Variants in IL17RD observed in about 807,000 individuals in gnomAD.
IL17RD encodes the protein interleukin-17 receptor D.
A neutral mutation model predicts 80.5 loss-of-function variants in IL17RD; 52 were observed. The observed-to-expected ratio is 0.65, with a 90% CI of 0.52 to 0.81. The LOEUF (loss-of-function observed/expected upper bound fraction) is 0.81. Among genes scored for constraint, IL17RD ranks in the 40% least tolerant of loss-of-function variants. IL17RD has a pLI of 0.00. For synonymous variants in IL17RD, 416 were observed against 391.8 expected, an observed-to-expected ratio of 1.06 and a Z score of -0.73; for missense variants, 1,024 against 955.1, an observed-to-expected ratio of 1.07 and a Z score of -0.95.
intron 1 of IL17RD, among the ~76,000 whole-genome samples, chr3:57,130,234 T>A (rs919260817): frequency 6.6e-6 from 1 of 152,202 alleles, no homozygotes. Flanking sequence ...CAAGGGCCTC[T>A]GAGGGGTTCA....
chr3:57,114,920 C>A, intron 2 of IL17RD, 103 bp from the exon 3 acceptor site: 1 of 927,268 alleles, frequency 1.1e-6, no homozygotes. Context: ...GTGGCCAAAT[C>A]CATTCTGTTA....
intron 10 of IL17RD, among the ~76,000 whole-genome samples, chr3:57,102,125 A>G (rs1706845017): frequency 6.6e-6 from 1 of 152,152 alleles, no homozygotes; most frequent in Non-Finnish European, 1.5e-5. Flanking sequence ...AAAATTAGCC[A>G]GGCATGGTGG....
chr3:57,126,871 C>T (rs1316341836), intron 1 of IL17RD, among the ~76,000 whole-genome samples: 1 of 151,904 alleles, frequency 6.6e-6, no homozygotes, highest in Non-Finnish European at 1.5e-5. Flanking sequence ...GTTGCCTAGG[C>T]TGGAGTGCAG....
Position 57,127,315 on chromosome 3 carries a change from A to AAAATATATAT in IL17RD, c.127-7012_127-7003dup, listed in dbSNP as rs1439807701. Reference sequence around the variant, plus strand: ...ATATAAATATATATAAAAATATATAAAAATATATATAAATATATATAAAAA... The same window carrying AAAATATATAT: ...ATATAAATATATATAAAAATATATAAAAATATATATAAATATATATAAATATATATAAAAA... On this transcript the variant is annotated intron_variant, in intron 1 of 12. Coordinates refer to ENST00000296318, the MANE Select transcript of IL17RD (RefSeq NM_017563.5). Among the ~76,000 whole-genome samples the AAAATATATAT allele has an allele frequency of 2.5e-4, 20 of 81,284 alleles. 2 individuals are homozygous for AAAATATATAT. The highest frequency in any genetic ancestry group is 8.7e-4 in the African/African-American group (12 of 13,826). The allele number at this position is 81,284 out of a possible 152,430, so 53.3% of individuals were successfully genotyped here. A position where few individuals can be genotyped will look rare whatever the true frequency, so the allele number is the denominator to read the frequency against.
At chr3:57,098,597 T>C in intron 11 of IL17RD, 59 bp from the exon 12 acceptor site, 2 of 1,143,642 alleles carry the variant, frequency 1.7e-6, no homozygotes, top group Non-Finnish European at 2.5e-6. Flanking sequence ...GCTCGGGAAG[T>C]GAGTAACAGG....
intron 2 of IL17RD, among the ~76,000 whole-genome samples, chr3:57,116,889 TTA>T (rs1491494909): frequency 2.4e-4 from 12 of 50,530 alleles, no homozygotes; most frequent in African/African-American, 3.6e-4. Context: ...TCCCAAAATA[TTA>T]AAAAAAAAAA....
At position 57,154,057 on chromosome 3, in the gene IL17RD, G is replaced by A. The variant is rs375019487; in HGVS notation, c.126+11104C>T. On this transcript the variant is annotated intron_variant, in intron 1 of 12. Coordinates refer to ENST00000296318, the MANE Select transcript of IL17RD (RefSeq NM_017563.5). The stretch of plus-strand genomic sequence containing the variant: ...GGCCAGGAGTTCGAGACTAGCCTGA[G>A]TAACACAGTGAAACTCTGTCTTAAC... 1.4e-4 allele frequency among the ~76,000 whole-genome samples: 21 copies of A among 151,722 alleles called. No homozygotes were observed. In the East Asian group the frequency reaches 1.6e-3, roughly 11 times the overall value.
chr3:57,121,140 C>T (rs1227841910), intron 1 of IL17RD, among the ~76,000 whole-genome samples: 1 of 152,230 alleles, frequency 6.6e-6, no homozygotes, highest in Non-Finnish European at 1.5e-5. Flanking sequence ...GCATTAATCA[C>T]AGAATTCTCC....
At chr3:57,098,772 T>A (rs1706760576) in intron 11 of IL17RD, among the ~76,000 whole-genome samples, 1 of 152,218 alleles carries the variant, frequency 6.6e-6, no homozygotes, top group Non-Finnish European at 1.5e-5. Context: ...CATTTTTGTA[T>A]CACATGGAGT....
At chr3:57,105,552 A>AATATATATATATATATATATAT (rs1553623051) in intron 7 of IL17RD, among the ~76,000 whole-genome samples, 1 of 63,590 alleles carries the variant, frequency 1.6e-5, no homozygotes, top group Non-Finnish European at 2.8e-5. Flanking sequence ...AAAAAAAAAA[A>AATATATATATATATATATATAT]ATATATATAT....
chr3:57,096,448 G>A lies in IL17RD; in HGVS notation c.2165C>T (p.Ala722Val), dbSNP rs760551666. The change falls in exon 13 of 13, where the codon GCA becomes GTA. Residue 722 changes from alanine (A) to valine (V), a missense_variant. Ala to Val is a moderately conservative substitution (Grantham distance 64). Transcript: ENST00000296318. ...SKLLSSGSCKADLGCRSYTDE... is the reference protein window; with the variant it reads ...SKLLSSGSCKVDLGCRSYTDE... ...AGTGTAGCTGCGGCAACCAAGATCT[G>A]CTTTGCATGACCCAGAAGAGAGGAG... is the stretch of plus-strand genomic sequence containing the variant. 1.2e-5 allele frequency: 19 copies of A among 1,613,936 alleles called. No homozygotes were observed. In the East Asian group the frequency reaches 4.0e-4, roughly 34 times the overall value.
chr3:57,161,219 G>A (rs944645562), intron 1 of IL17RD, among the ~76,000 whole-genome samples: 2 of 152,206 alleles, frequency 1.3e-5, no homozygotes, highest in Non-Finnish European at 2.9e-5. Flanking sequence ...AGACACAAGA[G>A]CATCTGTAAC....
chr3:57,152,118 T>C (rs1046843553), intron 1 of IL17RD, among the ~76,000 whole-genome samples: 13 of 152,062 alleles, frequency 8.5e-5, no homozygotes, highest in Admixed American at 5.9e-4. Context: ...AAAGGTAGCA[T>C]AGCCATAGAA....
intron 7 of IL17RD, among the ~76,000 whole-genome samples, chr3:57,105,552 A>AAAAAAAAAAAAAAAAAAAAAAAAAAAT: frequency 1.6e-5 from 1 of 63,588 alleles, no homozygotes; most frequent in Non-Finnish European, 2.8e-5. Context: ...AAAAAAAAAA[A>AAAAAAAAAAAAAAAAAAAAAAAAAAAT]ATATATATAT....
chr3:57,114,680 T>C lies in IL17RD; in HGVS notation c.310+12A>G, dbSNP rs561195915. The C allele has an allele frequency of 1.8e-4, 286 of 1,596,322 alleles. No homozygotes were observed. Among genetic ancestry groups the C allele is most frequent in the Non-Finnish European group, 2.3e-4 (270 of 1,173,280 alleles). On this transcript the variant is annotated intron_variant, in intron 3 of 12. Coordinates refer to ENST00000296318, the MANE Select transcript of IL17RD (RefSeq NM_017563.5). ...CAGGTTATCACCATGCACTCGATTTTTGACCACTCACCGAGGGCCCCTGGG... is the reference window on the plus strand; with the variant it reads ...CAGGTTATCACCATGCACTCGATTTCTGACCACTCACCGAGGGCCCCTGGG...
intron 1 of IL17RD, among the ~76,000 whole-genome samples, chr3:57,157,282 C>A (rs1481399398): frequency 6.6e-6 from 1 of 152,184 alleles, no homozygotes; most frequent in Non-Finnish European, 1.5e-5. Flanking sequence ...AGCAGAAGCC[C>A]GTTCAAGTTT....
rs546797153 is a variant in IL17RD at position 57,132,086 on chromosome 3, T to G, written c.127-11773A>C. Among the ~76,000 whole-genome samples, 5 of 152,040 alleles carry G rather than the reference T, an allele frequency of 3.3e-5. No homozygotes were observed. In the East Asian group the frequency reaches 9.7e-4, roughly 29 times the overall value. On this transcript the variant is annotated intron_variant, in intron 1 of 12. Coordinates refer to ENST00000296318, the MANE Select transcript of IL17RD (RefSeq NM_017563.5). ...CTGTGGTCCCAGCTACTTGGGAGGC[T>G]GAGGCAGGGGGATCGCTTGAGCCAA...
intron 1 of IL17RD, among the ~76,000 whole-genome samples, chr3:57,156,663 T>C (rs1342106299): frequency 1.3e-5 from 2 of 152,030 alleles, no homozygotes; most frequent in Admixed American, 6.5e-5. Flanking sequence ...GTCCCTCTTA[T>C]CAAACCGTTC....
intron 1 of IL17RD, among the ~76,000 whole-genome samples, chr3:57,122,674 G>C (rs1707366638): frequency 6.6e-6 from 1 of 150,442 alleles, no homozygotes. Flanking sequence ...CACGAAACTA[G>C]TCCCTGGTGC....
Sources: gnomAD v4.1 joint callset for allele counts (sites outside exome capture counted in the v4.1 genomes callset) on GRCh38, gnomAD v4.1.1 for gene constraint, MANE v1.5 for transcripts, NCBI Gene and HGNC (gene_info 2026-07-23, HGNC 2026-07-21) for gene names.